The following ATOSA variants were observed in gnomAD, a reference collection of about 807,000 sequenced individuals.
ATOSA encodes atos homolog protein A.
At chr15:52,708,493 G>T in the ATOSA span, among the ~76,000 whole-genome samples, 1 of 150,472 alleles carries the variant, frequency 6.6e-6, no homozygotes, top group Non-Finnish European at 1.5e-5. Flanking sequence ...GGTGTGGGGG[G>T]TGGTTTTTGA....
At chr15:52,611,511 T>C in the ATOSA span, 1 of 1,502,116 alleles carries the variant, frequency 6.7e-7, no homozygotes, top group Non-Finnish European at 9.1e-7. Context: ...TTAAAATAAT[T>C]TATAAGAAGT....
chr15:52,675,586 G>A, the ATOSA span, among the ~76,000 whole-genome samples: 5 of 152,236 alleles, frequency 3.3e-5, no homozygotes, highest in African/African-American at 1.2e-4. Context: ...CATCTGAGAA[G>A]TTCTCCTATT....
At chr15:52,635,073 A>G in the ATOSA span, among the ~76,000 whole-genome samples, 1 of 152,232 alleles carries the variant, frequency 6.6e-6, no homozygotes, top group African/African-American at 2.4e-5. Flanking sequence ...TTATAATGAT[A>G]AAAAAGCCAA....
chr15:52,653,067 A>G, the ATOSA span, among the ~76,000 whole-genome samples: 133 of 152,344 alleles, frequency 8.7e-4, no homozygotes, highest in African/African-American at 3.2e-3. Context: ...CTTTATTTGC[A>G]TTCTTCCTAT....
At chr15:52,648,731 T>C in the ATOSA span, 1 of 152,146 alleles carries the variant, frequency 6.6e-6, no homozygotes. Flanking sequence ...CCCTCTCATA[T>C]GACAGATGAC....
chr15:52,683,528 C>A, the ATOSA span, among the ~76,000 whole-genome samples: 1 of 152,170 alleles, frequency 6.6e-6, no homozygotes, highest in Non-Finnish European at 1.5e-5. Flanking sequence ...GTTATATGCA[C>A]ACCCCAAAGA....
the ATOSA span, chr15:52,611,622 T>C: frequency 6.2e-7 from 1 of 1,614,034 alleles, no homozygotes; most frequent in Non-Finnish European, 8.5e-7. Flanking sequence ...ATAATGCATC[T>C]TGCTTAATCG....
the ATOSA span, among the ~76,000 whole-genome samples, chr15:52,675,153 ATTAAT>A: frequency 2.0e-5 from 3 of 152,220 alleles, no homozygotes; most frequent in Non-Finnish European, 4.4e-5. Context: ...ATTGCTTAAA[ATTAAT>A]TTTTTTTACA....
At chr15:52,700,090 G>A in the ATOSA span, among the ~76,000 whole-genome samples, 4 of 152,094 alleles carry the variant, frequency 2.6e-5, no homozygotes, top group Admixed American at 2.6e-4. Flanking sequence ...TGAAAAGATT[G>A]ACCATCAGTG....
chr15:52,665,781 T>C, the ATOSA span, among the ~76,000 whole-genome samples: 123 of 152,286 alleles, frequency 8.1e-4, no homozygotes, highest in Non-Finnish European at 1.1e-3. Context: ...GGAAGATAAA[T>C]TTTATGTTAT....
At chr15:52,707,427 G>T in the ATOSA span, among the ~76,000 whole-genome samples, 1 of 152,102 alleles carries the variant, frequency 6.6e-6, no homozygotes. Context: ...ATCCAGCTGG[G>T]GATGCACAGC....
chr15:52,709,252 C>G, the ATOSA span, among the ~76,000 whole-genome samples: 1 of 152,154 alleles, frequency 6.6e-6, no homozygotes, highest in Non-Finnish European at 1.5e-5. Context: ...TGGAAACTGG[C>G]CCAGAGCCTC....
chr15:52,629,855 A>C, the ATOSA span, among the ~76,000 whole-genome samples: 3 of 152,096 alleles, frequency 2.0e-5, no homozygotes, highest in Non-Finnish European at 2.9e-5. Context: ...AGTAATTAAG[A>C]ATTGAAATCA....
the ATOSA span, chr15:52,656,744 G>C: frequency 6.6e-6 from 1 of 152,072 alleles, no homozygotes; most frequent in Non-Finnish European, 1.5e-5. Flanking sequence ...ATACACATAA[G>C]TCAGATTTAA....
chr15:52,600,883 T>C, the ATOSA span, among the ~76,000 whole-genome samples: 1 of 151,958 alleles, frequency 6.6e-6, no homozygotes, highest in Non-Finnish European at 1.5e-5. Flanking sequence ...AAGAGTTTAT[T>C]ATGATGACCA....
At chr15:52,666,801 T>C in the ATOSA span, among the ~76,000 whole-genome samples, 1 of 152,034 alleles carries the variant, frequency 6.6e-6, no homozygotes, top group Non-Finnish European at 1.5e-5. Flanking sequence ...TATATTCCTG[T>C]TGGGGAGAGG....
the ATOSA span, chr15:52,587,685 A>G: frequency 6.6e-6 from 1 of 152,456 alleles, no homozygotes; most frequent in Admixed American, 6.5e-5. Context: ...GGATTTCTGA[A>G]TAAAGACAGG....
the ATOSA span, among the ~76,000 whole-genome samples, chr15:52,685,416 G>GT: frequency 6.8e-6 from 1 of 147,858 alleles, no homozygotes. Context: ...ATTCAGTAGA[G>GT]TTTTTTTTTT....
chr15:52,688,805 T>C, the ATOSA span, among the ~76,000 whole-genome samples: 1 of 152,216 alleles, frequency 6.6e-6, no homozygotes, highest in African/African-American at 2.4e-5. Context: ...TTTAGCTATG[T>C]TGGCTGTTGT....
Sources: allele counts gnomAD v4.1 joint callset (sites outside exome capture counted in the v4.1 genomes callset), GRCh38; gene constraint gnomAD v4.1.1; transcripts MANE v1.5; gene names NCBI Gene and HGNC (gene_info 2026-07-23, HGNC 2026-07-21).